CTNNA3: variants seen among roughly 807,000 people sequenced by gnomAD.
The protein encoded by CTNNA3 is catenin alpha 3, also known as catenin alpha-3.
CTNNA3 carries 76 observed loss-of-function variants against 95.7 expected under a neutral mutation model. The observed-to-expected ratio is 0.79, with a 90% CI of 0.66 to 0.96. CTNNA3 has a LOEUF of 0.96. Ranked by LOEUF, CTNNA3 falls within the 40% of genes least tolerant of loss-of-function variation. The pLI, the probability that CTNNA3 is intolerant of heterozygous loss-of-function variation, is 0.00. For missense variants in CTNNA3, 1,191 were observed against 1,089.8 expected (o/e 1.09, Z -1.31); for synonymous variants, 431 against 374.4 (o/e 1.15, Z -1.74).
intron 5 of CTNNA3, among the ~76,000 whole-genome samples, chr10:67,413,979 G>A (rs1211102613): frequency 6.6e-6 from 1 of 152,048 alleles, no homozygotes; most frequent in Non-Finnish European, 1.5e-5. Flanking sequence ...TCATCAAGAA[G>A]TTAGAAAGGT....
At chr10:66,027,394 G>A (rs1376797562) in intron 15 of CTNNA3, among the ~76,000 whole-genome samples, 2 of 152,082 alleles carry the variant, frequency 1.3e-5, no homozygotes, top group African/African-American at 4.8e-5. Context: ...CCAAAATGAA[G>A]TAATCATCAT....
At chr10:66,714,374 A>C (rs190920074) in intron 9 of CTNNA3, among the ~76,000 whole-genome samples, 1 of 152,212 alleles carries the variant, frequency 6.6e-6, no homozygotes, top group Non-Finnish European at 1.5e-5. Flanking sequence ...TCTTTCATAC[A>C]TTCAAAAACA....
intron 7 of CTNNA3, among the ~76,000 whole-genome samples, chr10:66,864,891 G>T (rs894181791): frequency 6.6e-6 from 1 of 151,956 alleles, no homozygotes; most frequent in African/African-American, 2.4e-5. Flanking sequence ...TAAAATGTCT[G>T]TTATAAAAAT....
chr10:67,612,683 C>T (rs1224253043), intron 2 of CTNNA3, among the ~76,000 whole-genome samples: 1 of 152,084 alleles, frequency 6.6e-6, no homozygotes, highest in African/African-American at 2.4e-5. Context: ...GTAGAGAAGC[C>T]TTTGCCCATC....
At chr10:67,594,135 T>G (rs924419849) in intron 3 of CTNNA3, among the ~76,000 whole-genome samples, 1 of 152,212 alleles carries the variant, frequency 6.6e-6, no homozygotes, top group African/African-American at 2.4e-5. Context: ...AGCTTTTTGA[T>G]GTGCTGCTGG....
At chr10:66,754,703 A>G (rs887109210) in intron 9 of CTNNA3, among the ~76,000 whole-genome samples, 3 of 152,176 alleles carry the variant, frequency 2.0e-5, no homozygotes, top group East Asian at 1.9e-4. Context: ...CAGATGAACA[A>G]TAAGCACATG....
chr10:67,173,412 C>A (rs577056154), intron 7 of CTNNA3, among the ~76,000 whole-genome samples: 1 of 152,256 alleles, frequency 6.6e-6, no homozygotes, highest in Non-Finnish European at 1.5e-5. Flanking sequence ...AAAGGCCATC[C>A]CAGCTCCAAC....
chr10:66,054,353 A>G lies in CTNNA3; in HGVS notation c.2159+14955T>C, dbSNP rs577307808. On this transcript the variant is annotated intron_variant, in intron 15 of 17. Coordinates refer to ENST00000433211, the MANE Select transcript of CTNNA3 (RefSeq NM_013266.4). The stretch of plus-strand genomic sequence containing the variant: ...ATTTGTATTCACGCCAATAGTGTAC[A>G]AGAGTTTCCCTTTTTCCACATTCTC... Among the ~76,000 whole-genome samples the G allele has an allele frequency of 1.1e-4, 16 of 152,230 alleles. No individual in the cohort carries two copies. The East Asian group carries it at 2.7e-3, about 26-fold the overall frequency.
At chr10:66,201,944 A>C (rs1309888892) in intron 13 of CTNNA3, among the ~76,000 whole-genome samples, 1 of 151,734 alleles carries the variant, frequency 6.6e-6, no homozygotes, top group Non-Finnish European at 1.5e-5. Context: ...GCCTGGCACC[A>C]TGCCTGGCTA....
intron 9 of CTNNA3, among the ~76,000 whole-genome samples, chr10:66,743,034 G>T (rs1006607126): frequency 6.6e-6 from 1 of 151,998 alleles, no homozygotes; most frequent in Non-Finnish European, 1.5e-5. Flanking sequence ...GAGTAAAGTG[G>T]TATACATTTA....
chr10:67,463,860 AAC>A (rs1345108699), intron 5 of CTNNA3, among the ~76,000 whole-genome samples: 1 of 152,174 alleles, frequency 6.6e-6, no homozygotes, highest in African/African-American at 2.4e-5. Flanking sequence ...TACAAAAACA[AAC>A]AGAGATCTGT....
At chr10:67,412,668 A>C (rs1589265794) in intron 5 of CTNNA3, among the ~76,000 whole-genome samples, 1 of 152,164 alleles carries the variant, frequency 6.6e-6, no homozygotes, top group South Asian at 2.1e-4. Context: ...CTCAGAAAAA[A>C]CCTTACAAGC....
intron 17 of CTNNA3, among the ~76,000 whole-genome samples, chr10:65,951,785 T>G (rs1231385488): frequency 6.6e-6 from 1 of 152,014 alleles, no homozygotes; most frequent in Non-Finnish European, 1.5e-5. Flanking sequence ...ATCCCAGCAC[T>G]TTGGGAGGCC....
intron 5 of CTNNA3, among the ~76,000 whole-genome samples, chr10:67,519,934 C>T (rs767597743): frequency 2.0e-5 from 3 of 152,144 alleles, no homozygotes; most frequent in Non-Finnish European, 2.9e-5. Flanking sequence ...TAGAGAAGAG[C>T]TGATGTTCTG....
intron 9 of CTNNA3, among the ~76,000 whole-genome samples, chr10:66,726,778 A>C (rs928198344): frequency 2.0e-5 from 3 of 150,142 alleles, no homozygotes; most frequent in African/African-American, 7.4e-5. Flanking sequence ...GAAAACCAGT[A>C]GCCCAGTAGC....
intron 13 of CTNNA3, among the ~76,000 whole-genome samples, chr10:66,247,003 CTG>C (rs933269375): frequency 7.0e-6 from 1 of 142,958 alleles, no homozygotes; most frequent in Non-Finnish European, 1.5e-5. Context: ...TGAGCCAAGA[CTG>C]TGCCAGTGCA....
chr10:67,429,879 C>T (rs1288745360), intron 5 of CTNNA3, among the ~76,000 whole-genome samples: 1 of 151,666 alleles, frequency 6.6e-6, no homozygotes, highest in Non-Finnish European at 1.5e-5. Context: ...TTGGTTAGCA[C>T]TTAAAAGAGA....
chr10:66,582,811 C>T (rs914002904), intron 10 of CTNNA3, among the ~76,000 whole-genome samples: 11 of 151,752 alleles, frequency 7.2e-5, no homozygotes, highest in African/African-American at 2.7e-4. Context: ...AGGTATGTTT[C>T]TTCTATGTCT....
chr10:66,922,851 T>C (rs1846861608), intron 7 of CTNNA3, among the ~76,000 whole-genome samples: 1 of 152,188 alleles, frequency 6.6e-6, no homozygotes, highest in African/African-American at 2.4e-5. Context: ...AGTGTGCATG[T>C]TTATGGGGTA....
Sources: allele counts gnomAD v4.1 joint callset (sites outside exome capture counted in the v4.1 genomes callset), GRCh38; gene constraint gnomAD v4.1.1; transcripts MANE v1.5; gene names NCBI Gene and HGNC (gene_info 2026-07-23, HGNC 2026-07-21).